Variants in ATXN7L1 observed in about 807,000 individuals in gnomAD.
ATXN7L1 encodes ataxin-7-like protein 1.
A neutral mutation model predicts 70.8 loss-of-function variants in ATXN7L1; 15 were observed. The observed-to-expected ratio is 0.21, with a 90% confidence interval of 0.14 to 0.33. The LOEUF is 0.33. Among genes scored for constraint, ATXN7L1 ranks in the 10% least tolerant of loss-of-function variants. ATXN7L1 has a pLI of 1.00. For missense variants in ATXN7L1, 975 were observed against 1,097.1 expected, an observed-to-expected ratio of 0.89 and a Z score of 1.57; for synonymous variants, 440 against 445.1, an observed-to-expected ratio of 0.99 and a Z score of 0.14.
chr7:105,818,078 C>G (rs1326543096), intron 2 of ATXN7L1, among the ~76,000 whole-genome samples: 13 of 152,308 alleles, frequency 8.5e-5, no homozygotes, highest in South Asian at 8.3e-4. Flanking sequence ...TGAGGTTTCA[C>G]AAGCATTCCA....
chr7:105,720,631 A>T (rs1486208613), intron 3 of ATXN7L1, among the ~76,000 whole-genome samples: 1 of 152,100 alleles, frequency 6.6e-6, no homozygotes, highest in African/African-American at 2.4e-5. Flanking sequence ...TACATTGCCC[A>T]GGCTGGCTTT....
chr7:105,861,743 C>A lies in ATXN7L1; in HGVS notation c.250+14069G>T, dbSNP rs1232161420. 2.6e-5 allele frequency among the ~76,000 whole-genome samples: 4 copies of A among 152,164 alleles called. No homozygotes were observed. The South Asian group carries it at 8.3e-4, about 32-fold the overall frequency. On this transcript the variant is annotated intron_variant, in intron 2 of 11. Coordinates refer to ENST00000419735, the MANE Select transcript of ATXN7L1 (RefSeq NM_020725.2). ...AGCAAACCGAGGGCAAAGCCTCACG[C>A]TCCAAGGGAGGAGCTGGCAGAAAGG...
chr7:105,798,104 C>T (rs767089454), intron 2 of ATXN7L1, among the ~76,000 whole-genome samples: 8 of 152,190 alleles, frequency 5.3e-5, no homozygotes, highest in Non-Finnish European at 1.0e-4. Flanking sequence ...TCTATTTATT[C>T]ACTCTTTGAG....
intron 7 of ATXN7L1, among the ~76,000 whole-genome samples, chr7:105,626,652 G>A (rs1039417241): frequency 2.0e-5 from 3 of 151,968 alleles, no homozygotes; most frequent in African/African-American, 4.8e-5. Context: ...CATCTCTCCC[G>A]ACGTTCCTCA....
At chr7:105,677,958 CGT>C in intron 3 of ATXN7L1, 1 of 985,426 alleles carries the variant, frequency 1.0e-6, no homozygotes, top group Non-Finnish European at 1.2e-6. Context: ...CACAGACTGT[CGT>C]GGTCCCACAG....
chr7:105,691,372 A>C (rs10272208), intron 3 of ATXN7L1, among the ~76,000 whole-genome samples: 70,431 of 151,876 alleles, frequency 0.46, 16,813 homozygotes, highest in Admixed American at 0.57. Context: ...TCAAGAGCTA[A>C]AATAACCCTC....
chr7:105,639,350 A>C, intron 6 of ATXN7L1, 137 bp downstream of exon 6: 1 of 595,192 alleles, frequency 1.7e-6, no homozygotes. Context: ...GGACGAGAAG[A>C]AAGCATTTCC....
intron 3 of ATXN7L1, among the ~76,000 whole-genome samples, chr7:105,776,284 C>T (rs1802713785): frequency 1.3e-5 from 2 of 152,076 alleles, no homozygotes; most frequent in African/African-American, 4.8e-5. Flanking sequence ...ATGGCCTCCC[C>T]ACTGCTCACA....
Position 105,624,122 on chromosome 7 carries a change from C to T in ATXN7L1, c.1348G>A (p.Glu450Lys), listed in dbSNP as rs750831573. The T allele has an allele frequency of 6.6e-6, 10 of 1,518,648 alleles. No homozygotes were observed. The highest frequency in any genetic ancestry group is 2.6e-5 in the East Asian group (1 of 38,762). The allele number at this position is 1,518,648 out of a possible 1,614,324, so 94.1% of individuals were successfully genotyped here. A position where few individuals can be genotyped will look rare whatever the true frequency, so the allele number is the denominator to read the frequency against. ...EGEMDGADES[E>K]KLDCQFSTHH... ...GTGGAGAACTGACAGTCTAGCTTCT[C>T]GGATTCGTCGGCTCCGTCCATCTCC... Residue 450 changes from glutamate to lysine, a missense_variant, in exon 8 of 12, where the codon GAG becomes AAG. By Grantham distance (56) the Glu-to-Lys change is moderately conservative. This residue lies in a region of ATXN7L1 where 635 missense variants were observed against 699.4 expected (regional missense o/e 0.91). Transcript: ENST00000419735.
intron 3 of ATXN7L1, among the ~76,000 whole-genome samples, chr7:105,758,001 C>T (rs1800018867): frequency 1.3e-5 from 2 of 152,112 alleles, no homozygotes; most frequent in South Asian, 4.1e-4. Context: ...TGCTCTTCTT[C>T]CAGGCCCTCT....
chr7:105,829,962 G>A (rs991126278), intron 2 of ATXN7L1, among the ~76,000 whole-genome samples: 7 of 152,184 alleles, frequency 4.6e-5, no homozygotes, highest in African/African-American at 1.7e-4. Flanking sequence ...TACCCTTTGG[G>A]GGCAAGCCTT....
chr7:105,668,938 A>G (rs1319329765), intron 3 of ATXN7L1, among the ~76,000 whole-genome samples: 2 of 151,934 alleles, frequency 1.3e-5, no homozygotes, highest in African/African-American at 4.8e-5. Context: ...TTGCAGAGAC[A>G]AAGTCTCTCT....
chr7:105,800,028 C>T (rs1366487549), intron 2 of ATXN7L1, among the ~76,000 whole-genome samples: 5 of 152,152 alleles, frequency 3.3e-5, no homozygotes, highest in Non-Finnish European at 7.3e-5. Context: ...GTCGTATGTG[C>T]CTGGAAGACC....
intron 4 of ATXN7L1, among the ~76,000 whole-genome samples, chr7:105,644,081 A>G (rs1216589346): frequency 6.6e-6 from 1 of 152,156 alleles, no homozygotes; most frequent in African/African-American, 2.4e-5. Context: ...CTGAGAGTGA[A>G]GCCTACTTAG....
intron 3 of ATXN7L1, among the ~76,000 whole-genome samples, chr7:105,703,137 C>T (rs1792687416): frequency 6.6e-6 from 1 of 151,114 alleles, no homozygotes; most frequent in Admixed American, 6.6e-5. Context: ...AACAAACAAA[C>T]AAAAAACCCC....
intron 3 of ATXN7L1, among the ~76,000 whole-genome samples, chr7:105,681,458 G>A (rs1033137038): frequency 2.0e-5 from 3 of 152,194 alleles, no homozygotes; most frequent in Non-Finnish European, 2.9e-5. Context: ...TGGTGGGAAT[G>A]TAAAATGGTA....
In ATXN7L1 at chr7:105,859,390, A is replaced by AAT. The variant is rs201515974; in HGVS notation, c.250+16420_250+16421dup. On this transcript the variant is annotated intron_variant, in intron 2 of 11. Transcript: ENST00000419735. ...TATTTTCAAATGCTACAGAAATATA[A>AAT]ATATATATATATACACATACATATA... Among the ~76,000 whole-genome samples the AAT allele has an allele frequency of 6.3e-3, 964 of 151,920 alleles. 25 individuals are homozygous for AAT. The highest frequency in any genetic ancestry group is 0.037 in the Admixed American group (568 of 15,232).
intron 3 of ATXN7L1, among the ~76,000 whole-genome samples, chr7:105,771,164 C>T (rs1042489346): frequency 6.6e-6 from 1 of 151,164 alleles, no homozygotes; most frequent in Non-Finnish European, 1.5e-5. Flanking sequence ...CGCGCCACTG[C>T]ACTCCAGCCT....
chr7:105,735,646 A>T (rs1035720468), intron 3 of ATXN7L1, among the ~76,000 whole-genome samples: 11 of 152,190 alleles, frequency 7.2e-5, no homozygotes, highest in Non-Finnish European at 1.3e-4. Context: ...ATCCTGTTTA[A>T]TCTATTCCCA....
Sources: gnomAD v4.1 joint callset for allele counts (sites outside exome capture counted in the v4.1 genomes callset) on GRCh38, gnomAD v4.1.1 for gene constraint, gnomAD v4.1.1 regional missense constraint, MANE v1.5 for transcripts, NCBI Gene and HGNC (gene_info 2026-07-23, HGNC 2026-07-21) for gene names.